RNGTT: variants seen among roughly 807,000 people sequenced by gnomAD.
The protein encoded by RNGTT is RNA guanylyltransferase and 5'-phosphatase.
RNGTT carries 33 observed loss-of-function variants against 79.3 expected under a neutral mutation model. That is an observed-to-expected ratio of 0.42 (90% CI 0.32 to 0.56). The LOEUF (loss-of-function observed/expected upper bound fraction) is 0.56, where lower values mean the gene tolerates loss of function less well. Ranked by LOEUF, RNGTT falls within the 20% of genes least tolerant of loss-of-function variation. RNGTT has a pLI of 0.17. For synonymous variants in RNGTT, 222 were observed against 235.9 expected (o/e 0.94, Z 0.54); for missense variants, 497 against 739.1 (o/e 0.67, Z 3.80).
intron 7 of RNGTT, 47 bp downstream of exon 7, chr6:88,891,759 G>T: frequency 7.9e-7 from 1 of 1,264,992 alleles, no homozygotes; most frequent in Non-Finnish European, 1.1e-6. Context: ...ATTAAGTGTT[G>T]TAAAATAAGA....
chr6:88,898,173 T>C (rs1783317123), intron 6 of RNGTT, among the ~76,000 whole-genome samples: 1 of 152,136 alleles, frequency 6.6e-6, no homozygotes, highest in African/African-American at 2.4e-5. Flanking sequence ...GTCTCCACTT[T>C]CTCGCCTTCC....
chr6:88,931,514 T>C (rs1309189813), intron 2 of RNGTT, among the ~76,000 whole-genome samples: 1 of 152,186 alleles, frequency 6.6e-6, no homozygotes, highest in African/African-American at 2.4e-5. Context: ...AGTGAACGTA[T>C]TGTCTATTTC....
chr6:88,666,125 G>C (rs190918276), intron 14 of RNGTT, among the ~76,000 whole-genome samples: 13 of 152,220 alleles, frequency 8.5e-5, no homozygotes, highest in Admixed American at 5.9e-4. Context: ...AGTTACAAAG[G>C]GGGGTGACAT....
chr6:88,614,427 A>C (rs201497482), intron 14 of RNGTT, 32 bp from the exon 15 acceptor site: 2 of 1,607,106 alleles, frequency 1.2e-6, no homozygotes, highest in African/African-American at 1.3e-5. Flanking sequence ...GAAAATATTT[A>C]AATAACTTGA....
chr6:88,837,203 G>A lies in RNGTT; in HGVS notation c.1269+7154C>T, dbSNP rs555874860. 1.2e-4 allele frequency among the ~76,000 whole-genome samples: 18 copies of A among 152,232 alleles called. 1 individual carries two copies. In the South Asian group the frequency reaches 3.5e-3, roughly 30 times the overall value. ...GAGCCTAAGAGTTCAAGACCAGCCT[G>A]GTCAAACATACTGAGAGGCACTATC... On this transcript the variant is annotated intron_variant, in intron 11 of 15. Coordinates refer to ENST00000369485, the MANE Select transcript of RNGTT (RefSeq NM_003800.5).
chr6:88,632,056 G>T (rs1239405197), intron 14 of RNGTT, among the ~76,000 whole-genome samples: 1 of 152,046 alleles, frequency 6.6e-6, no homozygotes, highest in East Asian at 1.9e-4. Flanking sequence ...AACCTCCCAG[G>T]CTCAAGTGAT....
chr6:88,951,943 G>C (rs981517022), intron 1 of RNGTT, among the ~76,000 whole-genome samples: 1 of 152,112 alleles, frequency 6.6e-6, no homozygotes, highest in African/African-American at 2.4e-5. Flanking sequence ...GAATGAACGG[G>C]AACTGCTGCA....
chr6:88,873,759 T>A lies in RNGTT; in HGVS notation c.896+16736A>T, dbSNP rs1285718097. Among the ~76,000 whole-genome samples the A allele has an allele frequency of 2.0e-5, 3 of 152,176 alleles. No homozygotes were observed. In the East Asian group the frequency reaches 5.8e-4, roughly 29 times the overall value. ...AACACATTTTTAAGACATTATCATT[T>A]TTTCATTATAAGACCAGAATCACAA... On this transcript the variant is annotated intron_variant, in intron 8 of 15. Transcript: ENST00000369485.
chr6:88,920,129 T>G (rs564029116), intron 4 of RNGTT, among the ~76,000 whole-genome samples: 7 of 152,258 alleles, frequency 4.6e-5, no homozygotes, highest in African/African-American at 1.7e-4. Context: ...CTCTAAAAAA[T>G]TATTTAATAT....
At chr6:88,658,636 G>A (rs1774069550) in intron 14 of RNGTT, among the ~76,000 whole-genome samples, 1 of 152,182 alleles carries the variant, frequency 6.6e-6, no homozygotes, top group South Asian at 2.1e-4. Flanking sequence ...TGTTGCCAAA[G>A]GACATTAACA....
At chr6:88,757,149 A>T (rs1294464870) in intron 13 of RNGTT, among the ~76,000 whole-genome samples, 1 of 152,178 alleles carries the variant, frequency 6.6e-6, no homozygotes, top group Non-Finnish European at 1.5e-5. Flanking sequence ...GTGATCATGT[A>T]TTTGCTATGT....
chr6:88,891,919 T>TAAA lies in RNGTT; in HGVS notation c.685-7_685-5dup. The TAAA allele has an allele frequency of 1.5e-6, 2 of 1,331,764 alleles. No homozygotes were observed. The highest frequency in any genetic ancestry group is 2.7e-5 in the East Asian group (1 of 36,596). The allele number at this position is 1,331,764 out of a possible 1,614,324, so 82.5% of individuals were successfully genotyped here. A position where few individuals can be genotyped will look rare whatever the true frequency, so the allele number is the denominator to read the frequency against. On this transcript the variant is annotated splice_polypyrimidine_tract_variant and splice_region_variant and intron_variant, in intron 6 of 15. Transcript: ENST00000369485. ...CACCTTCCAAGAAAATAGCGCCCTT[T>TAAA]AAAAAAAAAATAAGAAAAATAAGGG...
intron 2 of RNGTT, among the ~76,000 whole-genome samples, chr6:88,938,669 T>C (rs561028202): frequency 2.6e-5 from 4 of 152,230 alleles, no homozygotes; most frequent in African/African-American, 9.6e-5. Context: ...AACATTTGAG[T>C]TTTTCCCCCT....
At chr6:88,757,230 A>G (rs549790231) in intron 13 of RNGTT, among the ~76,000 whole-genome samples, 1 of 152,314 alleles carries the variant, frequency 6.6e-6, no homozygotes, top group East Asian at 1.9e-4. Context: ...AAGGATGGAG[A>G]TACATGAATG....
intron 10 of RNGTT, 24 bp from the exon 11 acceptor site, chr6:88,844,545 A>G: frequency 6.3e-7 from 1 of 1,587,582 alleles, no homozygotes; most frequent in Non-Finnish European, 8.6e-7. Context: ...AGAATTAGTT[A>G]AATTTCAACA....
chr6:88,724,440 A>G (rs1776815239), intron 13 of RNGTT, among the ~76,000 whole-genome samples: 1 of 152,236 alleles, frequency 6.6e-6, no homozygotes, highest in African/African-American at 2.4e-5. Flanking sequence ...TTTGTAGCCT[A>G]GGAGCAATCC....
chr6:88,886,262 C>T (rs933472965), intron 8 of RNGTT, among the ~76,000 whole-genome samples: 3 of 151,894 alleles, frequency 2.0e-5, no homozygotes, highest in East Asian at 1.9e-4. Flanking sequence ...GCAGAGATCG[C>T]GCCACTGTAC....
chr6:88,714,684 C>T lies in RNGTT; in HGVS notation c.1440-36265G>A, dbSNP rs1463194061. Among the ~76,000 whole-genome samples, 47 of 89,874 alleles carry T rather than the reference C, an allele frequency of 5.2e-4. 5 individuals are homozygous for T. Among genetic ancestry groups the T allele is most frequent in the African/African-American group, 1.0e-3 (6 of 5,884 alleles). 59.0% of individuals were successfully genotyped at this position (89,874 alleles called of 152,430 possible). A position where few individuals can be genotyped will look rare whatever the true frequency, so the allele number is the denominator to read the frequency against. On this transcript the variant is annotated intron_variant, in intron 13 of 15. Coordinates refer to ENST00000369485, the MANE Select transcript of RNGTT (RefSeq NM_003800.5). ...GTCTCGATCTCCTGACCTCGTGATC[C>T]GCCCGCCTCGGCCTCCCAAAGTGCT...
chr6:88,626,292 T>G (rs1248320919), intron 14 of RNGTT, among the ~76,000 whole-genome samples: 2 of 152,008 alleles, frequency 1.3e-5, no homozygotes, highest in Admixed American at 1.3e-4. Flanking sequence ...TTAACAAAAT[T>G]TGAATTCTAG....
Sources: allele counts gnomAD v4.1 joint callset (sites outside exome capture counted in the v4.1 genomes callset), GRCh38; gene constraint gnomAD v4.1.1; transcripts MANE v1.5; gene names NCBI Gene and HGNC (gene_info 2026-07-23, HGNC 2026-07-21).